CCDC178: variants seen among roughly 807,000 people sequenced by gnomAD.
The protein encoded by CCDC178 is coiled-coil domain-containing protein 178.
Under a neutral mutation model 117.4 loss-of-function variants are expected in CCDC178, and 126 were observed. The observed-to-expected ratio is 1.07, with a 90% CI of 0.93 to 1.24. The LOEUF is 1.24. Ranked by LOEUF, CCDC178 falls within the 50% of genes most tolerant of loss-of-function variation. The pLI is 0.00. For missense variants in CCDC178, 1,030 were observed against 986.9 expected, an observed-to-expected ratio of 1.04 and a Z score of -0.59; for synonymous variants, 283 against 313.4, an observed-to-expected ratio of 0.90 and a Z score of 1.02.
intron 20 of CCDC178, among the ~76,000 whole-genome samples, chr18:33,099,350 T>C (rs1273189707): frequency 6.6e-6 from 1 of 152,030 alleles, no homozygotes; most frequent in Non-Finnish European, 1.5e-5. Context: ...GCCTCTTATA[T>C]GCCCTTGGTA....
chr18:33,245,682 T>C (rs112846095), intron 14 of CCDC178, among the ~76,000 whole-genome samples: 2 of 151,950 alleles, frequency 1.3e-5, no homozygotes, highest in African/African-American at 4.8e-5. Context: ...GCTTGGGGAA[T>C]CCGGGTGCTT....
At position 33,394,943 on chromosome 18, in the gene CCDC178, G is replaced by GTATGTATATA. The variant is rs1555697671; in HGVS notation, c.118+2205_118+2206insTATATACATA. Among the ~76,000 whole-genome samples the GTATGTATATA allele has an allele frequency of 3.3e-3, 200 of 61,470 alleles. 1 individual carries two copies. The highest frequency in any genetic ancestry group is 5.2e-3 in the Non-Finnish European group (170 of 32,808). 40.3% of individuals were successfully genotyped at this position (61,470 alleles called of 152,430 possible). A position where few individuals can be genotyped will look rare whatever the true frequency, so the allele number is the denominator to read the frequency against. On this transcript the variant is annotated intron_variant, in intron 4 of 22. Coordinates refer to ENST00000383096, the MANE Select transcript of CCDC178 (RefSeq NM_001105528.4). ...ACTTTAAAAGCCTGTATATGTATGT[G>GTATGTATATA]TATATATATATATATATATATATAT... is the stretch of plus-strand genomic sequence containing the variant.
intron 20 of CCDC178, among the ~76,000 whole-genome samples, chr18:33,138,155 G>A (rs1436845744): frequency 6.6e-6 from 1 of 152,168 alleles, no homozygotes; most frequent in East Asian, 1.9e-4. Flanking sequence ...AAGCCTTGGT[G>A]TATAAATGTT....
chr18:33,154,870 C>G (rs1372717179), intron 20 of CCDC178, among the ~76,000 whole-genome samples: 1 of 152,020 alleles, frequency 6.6e-6, no homozygotes, highest in Non-Finnish European at 1.5e-5. Flanking sequence ...AAATATCTAA[C>G]AAAGCTTCAA....
At chr18:33,196,093 A>G (rs1279423819) in intron 20 of CCDC178, among the ~76,000 whole-genome samples, 1 of 152,190 alleles carries the variant, frequency 6.6e-6, no homozygotes, top group East Asian at 1.9e-4. Flanking sequence ...TGGGTCACAT[A>G]TTAGGTTGGT....
At chr18:33,285,622 A>G (rs2060089288) in intron 12 of CCDC178, among the ~76,000 whole-genome samples, 1 of 152,170 alleles carries the variant, frequency 6.6e-6, no homozygotes, top group South Asian at 2.1e-4. Context: ...AGAACAATAA[A>G]CCATAACCAA....
intron 21 of CCDC178, among the ~76,000 whole-genome samples, chr18:33,008,713 T>C (rs1183247805): frequency 6.6e-6 from 1 of 152,110 alleles, no homozygotes; most frequent in Non-Finnish European, 1.5e-5. Context: ...ATTTTTTTCA[T>C]TGATATAATT....
chr18:33,278,837 A>T (rs2144813478), intron 12 of CCDC178, among the ~76,000 whole-genome samples: 2 of 152,332 alleles, frequency 1.3e-5, no homozygotes, highest in East Asian at 3.9e-4. Context: ...GCATATAAAC[A>T]GAACCAAAGA....
At chr18:33,169,844 G>A (rs549529381) in intron 20 of CCDC178, among the ~76,000 whole-genome samples, 5 of 152,204 alleles carry the variant, frequency 3.3e-5, no homozygotes, top group Admixed American at 2.0e-4. Flanking sequence ...ATGTGACTTG[G>A]TTTCTTTGGG....
chr18:33,407,009 A>G (rs924027249), intron 3 of CCDC178, among the ~76,000 whole-genome samples: 4 of 152,122 alleles, frequency 2.6e-5, no homozygotes, highest in African/African-American at 9.7e-5. Flanking sequence ...CTATTAAACT[A>G]CCTTAATAAA....
intron 22 of CCDC178, among the ~76,000 whole-genome samples, chr18:32,942,912 T>C (rs181612667): frequency 4.3e-4 from 66 of 152,314 alleles, no homozygotes; most frequent in Middle Eastern, 6.8e-3. Flanking sequence ...GTCTTTTTTT[T>C]TGTGCAATGT....
chr18:33,109,927 A>G (rs2057758861), intron 20 of CCDC178, among the ~76,000 whole-genome samples: 2 of 151,538 alleles, frequency 1.3e-5, no homozygotes, highest in African/African-American at 4.8e-5. Context: ...TTGGTATAAA[A>G]TATTAACATA....
At chr18:32,939,829 A>AG (rs2054198923) in intron 22 of CCDC178, among the ~76,000 whole-genome samples, 1 of 152,136 alleles carries the variant, frequency 6.6e-6, no homozygotes, top group Admixed American at 6.6e-5. Flanking sequence ...CATATCCGAA[A>AG]TGTTTGGGTC....
chr18:33,179,379 C>T (rs958615337), intron 20 of CCDC178, among the ~76,000 whole-genome samples: 4 of 151,094 alleles, frequency 2.6e-5, no homozygotes, highest in African/African-American at 9.7e-5. Flanking sequence ...TCAGTAAATA[C>T]TTTTATTAAC....
At chr18:33,241,538 C>T (rs1006350246) in intron 15 of CCDC178, among the ~76,000 whole-genome samples, 5 of 149,620 alleles carry the variant, frequency 3.3e-5, no homozygotes, top group Admixed American at 6.7e-5. Flanking sequence ...ATAAAGTCAA[C>T]ATGAAAATTC....
chr18:33,260,317 T>C (rs1299784414), intron 14 of CCDC178, among the ~76,000 whole-genome samples: 1 of 152,168 alleles, frequency 6.6e-6, no homozygotes, highest in Non-Finnish European at 1.5e-5. Context: ...ATATCTTACC[T>C]ATTCATTCTA....
intron 1 of CCDC178, 42 bp downstream of exon 1, chr18:33,440,611 G>C (rs1378967192): frequency 6.7e-6 from 1 of 148,476 alleles, no homozygotes; most frequent in East Asian, 1.9e-4. Flanking sequence ...CCCGCGCCGA[G>C]GCACAAGCGC....
intron 19 of CCDC178, among the ~76,000 whole-genome samples, chr18:33,214,811 A>AT (rs1205234007): frequency 1.3e-5 from 2 of 151,844 alleles, no homozygotes; most frequent in African/African-American, 4.8e-5. Context: ...CTGGGCATAA[A>AT]TTTTTTCTGA....
intron 18 of CCDC178, among the ~76,000 whole-genome samples, chr18:33,222,058 C>T (rs1378941698): frequency 6.6e-6 from 1 of 151,978 alleles, no homozygotes; most frequent in Admixed American, 6.6e-5. Context: ...CTAGTTTAAG[C>T]ATGTTTATAT....
Sources: gnomAD v4.1 joint callset for allele counts (sites outside exome capture counted in the v4.1 genomes callset) on GRCh38, gnomAD v4.1.1 for gene constraint, MANE v1.5 for transcripts, NCBI Gene and HGNC (gene_info 2026-07-23, HGNC 2026-07-21) for gene names.